Variants in ERAP1 observed in about 807,000 individuals in gnomAD.
ERAP1 encodes the protein adipocyte-derived leucine aminopeptidase.
A neutral mutation model predicts 103.7 loss-of-function variants in ERAP1; 86 were observed. The ratio of observed to expected loss-of-function variants is 0.83; its 90% CI spans 0.70 to 0.99. ERAP1 has a LOEUF of 0.99. Ranked by LOEUF, ERAP1 falls within the 50% of genes least tolerant of loss-of-function variation. The probability of loss-of-function intolerance (pLI) is 0.00; values close to 1 mark genes in which losing one functional copy is unlikely to be tolerated. For synonymous variants in ERAP1, 398 were observed against 402.4 expected, an observed-to-expected ratio of 0.99 and a Z score of 0.13; for missense variants, 1,009 against 1,128.4, an observed-to-expected ratio of 0.89 and a Z score of 1.52.
chr5:96,850,004 G>A, the ERAP1 span, among the ~76,000 whole-genome samples: 1 of 152,146 alleles, frequency 6.6e-6, no homozygotes, highest in Admixed American at 6.6e-5. Context: ...AACACACAAT[G>A]AGTGTTCAAT....
chr5:96,839,319 A>T, the ERAP1 span, among the ~76,000 whole-genome samples: 1 of 151,678 alleles, frequency 6.6e-6, no homozygotes, highest in Admixed American at 6.7e-5. Flanking sequence ...ACCACCCCCC[A>T]GAGATCTGGC....
At chr5:96,886,869 A>G in the ERAP1 span, 1 of 1,235,210 alleles carries the variant, frequency 8.1e-7, no homozygotes, top group East Asian at 2.8e-5. Context: ...CATGTTTTTC[A>G]TTGTTATCAA....
chr5:96,763,098 G>A, exon 20 of ERAP1: 1 of 776,304 alleles, frequency 1.3e-6, no homozygotes, highest in South Asian at 1.3e-5. Flanking sequence ...TCATTTGCTA[G>A]ATGGAGATGA....
chr5:96,871,374 A>G, the ERAP1 span, among the ~76,000 whole-genome samples: 52 of 152,300 alleles, frequency 3.4e-4, no homozygotes, highest in East Asian at 8.9e-3. Context: ...TAAGCAGGAG[A>G]ATAAATCAGA....
At chr5:96,788,100 G>T (rs973660409) in intron 11 of ERAP1, among the ~76,000 whole-genome samples, 1 of 152,014 alleles carries the variant, frequency 6.6e-6, no homozygotes, top group African/African-American at 2.4e-5. Context: ...ATAGCATTAA[G>T]CTGACAAACA....
At chr5:96,873,298 G>A in the ERAP1 span, 9 of 455,792 alleles carry the variant, frequency 2.0e-5, no homozygotes, top group African/African-American at 1.8e-4. Flanking sequence ...GTTTGTTGAG[G>A]GCCTATGATG....
the ERAP1 span, chr5:96,883,931 G>T: frequency 6.3e-6 from 10 of 1,579,064 alleles, no homozygotes; most frequent in Middle Eastern, 1.7e-4. Context: ...CATGCCAAAG[G>T]TATGTCCACT....
At chr5:96,865,795 T>C in the ERAP1 span, among the ~76,000 whole-genome samples, 5 of 152,314 alleles carry the variant, frequency 3.3e-5, no homozygotes, top group East Asian at 9.6e-4. Context: ...ATAAGGGTTT[T>C]GGAATGGATG....
upstream of ERAP1, among the ~76,000 whole-genome samples, chr5:96,812,748 G>T (rs920284591): frequency 6.6e-6 from 1 of 152,164 alleles, no homozygotes; most frequent in Non-Finnish European, 1.5e-5. Context: ...GGAAAGAAAC[G>T]AATAACTTTC....
intron 19 of ERAP1, among the ~76,000 whole-genome samples, chr5:96,767,141 T>C (rs1288201553): frequency 6.6e-6 from 1 of 152,230 alleles, no homozygotes; most frequent in Non-Finnish European, 1.5e-5. Flanking sequence ...TATAACACTT[T>C]AAGTAGAATT....
intron 1 of ERAP1, among the ~76,000 whole-genome samples, chr5:96,806,429 C>T (rs1348903903): frequency 6.6e-6 from 1 of 152,212 alleles, no homozygotes; most frequent in Non-Finnish European, 1.5e-5. Flanking sequence ...CTAATATTTA[C>T]TAAGCTCCTC....
At chr5:96,907,603 C>T in the ERAP1 span, among the ~76,000 whole-genome samples, 2 of 150,914 alleles carry the variant, frequency 1.3e-5, no homozygotes, top group East Asian at 1.9e-4. Context: ...GCAGACTAGC[C>T]GGGCCAGGTG....
rs772241527 is a variant in ERAP1, at chr5:96,781,700, G to A, written c.2440C>T (p.Leu814Phe). 9 of 1,614,120 alleles carry A rather than the reference G, an allele frequency of 5.6e-6. No individual in the cohort carries two copies. In the South Asian group the frequency reaches 8.8e-5, roughly 16 times the overall value. Residue 814 changes from leucine (L) to phenylalanine (F), a missense_variant, in exon 16 of 19, where the codon CTT becomes TTT. Coordinates refer to ENST00000443439, the MANE Select transcript of ERAP1 (RefSeq NM_001040458.3). ...ALCRTQNKEKLQWLLDESFKG... is the reference protein window; with the variant it reads ...ALCRTQNKEKFQWLLDESFKG... ...AATGAATGACGGACTCACCATTGAA[G>A]CTTTTCCTTATTTTGGGTTCTGCAG...
the ERAP1 span, among the ~76,000 whole-genome samples, chr5:96,856,367 G>GT: frequency 6.6e-5 from 3 of 45,364 alleles, no homozygotes; most frequent in Admixed American, 3.3e-4. Context: ...TATATATATA[G>GT]AGAGAGAGAG....
chr5:96,862,965 ATC>A, the ERAP1 span, among the ~76,000 whole-genome samples: 3 of 152,182 alleles, frequency 2.0e-5, no homozygotes, highest in African/African-American at 7.2e-5. Flanking sequence ...CCTCACCCGT[ATC>A]TGGGTTGAGC....
At chr5:96,885,717 GT>G in the ERAP1 span, among the ~76,000 whole-genome samples, 1 of 151,992 alleles carries the variant, frequency 6.6e-6, no homozygotes, top group Admixed American at 6.6e-5. Context: ...GGAAGAGCCT[GT>G]CTAGGAGTTG....
At chr5:96,824,846 C>T in the ERAP1 span, among the ~76,000 whole-genome samples, 4 of 152,108 alleles carry the variant, frequency 2.6e-5, no homozygotes, top group Non-Finnish European at 5.9e-5. Flanking sequence ...CCCTGGAGTT[C>T]GAGACCAGCC....
the ERAP1 span, among the ~76,000 whole-genome samples, chr5:96,817,004 A>G: frequency 4.6e-5 from 7 of 152,372 alleles, no homozygotes; most frequent in East Asian, 1.9e-4. Context: ...TTGGCAAAAC[A>G]GAGGAACTGT....
intron 11 of ERAP1, 131 bp downstream of exon 11, chr5:96,788,400 T>G: frequency 8.8e-7 from 1 of 1,133,152 alleles, no homozygotes; most frequent in Non-Finnish European, 1.3e-6. Flanking sequence ...TAAGTCAACT[T>G]CATAGGATAC....
Sources: allele counts gnomAD v4.1 joint callset (sites outside exome capture counted in the v4.1 genomes callset), GRCh38; gene constraint gnomAD v4.1.1; transcripts MANE v1.5; gene names NCBI Gene and HGNC (gene_info 2026-07-23, HGNC 2026-07-21).